Variants in SND1 observed in about 807,000 individuals in gnomAD.
The protein encoded by SND1 is staphylococcal nuclease domain-containing protein 1.
SND1 carries 38 observed loss-of-function variants against 121.7 expected under a neutral mutation model. The ratio of observed to expected loss-of-function variants is 0.31; its 90% CI spans 0.24 to 0.41. The LOEUF is 0.41. Ranked by LOEUF, SND1 falls within the 10% of genes least tolerant of loss-of-function variation. SND1 has a pLI of 1.00. For missense variants in SND1, 868 were observed against 1,184.6 expected, an observed-to-expected ratio of 0.73 and a Z score of 3.92; for synonymous variants, 401 against 447.4, an observed-to-expected ratio of 0.90 and a Z score of 1.31.
At chr7:128,089,958 C>T (rs577464933) in intron 22 of SND1, 11 of 450,940 alleles carry the variant, frequency 2.4e-5, no homozygotes, top group East Asian at 2.2e-4. Flanking sequence ...AGGTGACAGG[C>T]GAGAAAGCTT....
At chr7:128,051,445 A>G (rs532602589) in intron 16 of SND1, among the ~76,000 whole-genome samples, 1 of 150,182 alleles carries the variant, frequency 6.7e-6, no homozygotes, top group South Asian at 2.1e-4. Flanking sequence ...CTTGACAGCA[A>G]TTTACATGAA....
At chr7:127,934,153 A>G (rs1211602969) in intron 15 of SND1, among the ~76,000 whole-genome samples, 1 of 94,694 alleles carries the variant, frequency 1.1e-5, no homozygotes, top group Non-Finnish European at 2.5e-5. Context: ...GTTTTGAAGT[A>G]CATATGAGTT....
intron 12 of SND1, chr7:127,858,338 GC>G: frequency 8.4e-6 from 11 of 1,309,388 alleles, no homozygotes; most frequent in Non-Finnish European, 9.7e-6. Flanking sequence ...TCCTCCTCGG[GC>G]CCCCAGATGC....
chr7:127,690,434 G>A (rs993212318), intron 2 of SND1, among the ~76,000 whole-genome samples: 7 of 152,136 alleles, frequency 4.6e-5, no homozygotes, highest in Non-Finnish European at 8.8e-5. Flanking sequence ...TAGTTCCTTC[G>A]CCACCTCTGT....
chr7:128,011,034 A>C (rs1452727384), intron 16 of SND1, among the ~76,000 whole-genome samples: 3 of 152,180 alleles, frequency 2.0e-5, no homozygotes, highest in Non-Finnish European at 4.4e-5. Flanking sequence ...GAAATAAATA[A>C]GTAAAATTGA....
chr7:127,716,285 A>G (rs1163610971), intron 9 of SND1, among the ~76,000 whole-genome samples: 1 of 152,202 alleles, frequency 6.6e-6, no homozygotes, highest in African/African-American at 2.4e-5. Flanking sequence ...TTACATCTGT[A>G]AATCGCTTTT....
At chr7:127,863,168 G>T (rs547292603) in intron 12 of SND1, among the ~76,000 whole-genome samples, 2 of 152,024 alleles carry the variant, frequency 1.3e-5, no homozygotes, top group African/African-American at 4.8e-5. Context: ...TGCTTACTGT[G>T]CGCCAGGCAC....
intron 22 of SND1, 177 bp downstream of exon 22, chr7:128,089,869 C>A: frequency 3.2e-6 from 2 of 628,514 alleles, no homozygotes; most frequent in East Asian, 5.6e-5. Flanking sequence ...CTAATTACAT[C>A]CCAAATTAAT....
chr7:128,009,978 A>T (rs887812177), intron 16 of SND1, among the ~76,000 whole-genome samples: 2 of 152,198 alleles, frequency 1.3e-5, no homozygotes, highest in East Asian at 3.9e-4. Context: ...CAGAGAGAAA[A>T]GAAGGGAATG....
At chr7:127,955,795 A>G (rs1310935010) in intron 15 of SND1, among the ~76,000 whole-genome samples, 1 of 152,148 alleles carries the variant, frequency 6.6e-6, no homozygotes, top group Non-Finnish European at 1.5e-5. Context: ...AGACCATTCT[A>G]AGACACATAT....
At chr7:127,989,418 C>T (rs1488499538) in intron 15 of SND1, among the ~76,000 whole-genome samples, 1 of 152,154 alleles carries the variant, frequency 6.6e-6, no homozygotes, top group African/African-American at 2.4e-5. Flanking sequence ...AGCCTATTCC[C>T]TTTTTTCTGA....
At chr7:127,982,863 C>T (rs906881678) in intron 15 of SND1, among the ~76,000 whole-genome samples, 2 of 152,206 alleles carry the variant, frequency 1.3e-5, no homozygotes, top group African/African-American at 2.4e-5. Flanking sequence ...TGAGCTATTA[C>T]AGGTCTGAGA....
At chr7:127,954,175 A>G (rs1157195237) in intron 15 of SND1, among the ~76,000 whole-genome samples, 1 of 152,172 alleles carries the variant, frequency 6.6e-6, no homozygotes, top group African/African-American at 2.4e-5. Flanking sequence ...CCCTTACTCC[A>G]GCAAATATTT....
intron 7 of SND1, among the ~76,000 whole-genome samples, chr7:127,704,191 A>G (rs993454935): frequency 1.3e-5 from 2 of 152,070 alleles, no homozygotes; most frequent in African/African-American, 2.4e-5. Flanking sequence ...AATTGAATGG[A>G]TTTTCATTAT....
Position 127,798,621 on chromosome 7 carries a change from G to A in SND1, c.1153-8863G>A, listed in dbSNP as rs78321309. Among the ~76,000 whole-genome samples the A allele has an allele frequency of 1.3e-3, 203 of 151,892 alleles. 1 individual carries two copies. In the East Asian group the frequency reaches 0.038, roughly 28 times the overall value. The stretch of plus-strand genomic sequence containing the variant: ...ATTTTGGCATTAATCAAGTTCTCCA[G>A]TGTGGCTTTCTGCATTTAATAAAAC... On this transcript the variant is annotated intron_variant, in intron 10 of 23. Coordinates refer to ENST00000354725, the MANE Select transcript of SND1 (RefSeq NM_014390.4).
chr7:128,075,093 C>T (rs1484846753), intron 17 of SND1, among the ~76,000 whole-genome samples: 1 of 152,262 alleles, frequency 6.6e-6, no homozygotes, highest in Non-Finnish European at 1.5e-5. Context: ...TCTGAATTTC[C>T]TTCACATTGC....
intron 10 of SND1, among the ~76,000 whole-genome samples, chr7:127,775,415 A>C (rs982778081): frequency 1.4e-4 from 21 of 152,146 alleles, no homozygotes; most frequent in Admixed American, 2.6e-4. Flanking sequence ...TAATAAAAAA[A>C]ACACACAGAG....
intron 10 of SND1, among the ~76,000 whole-genome samples, chr7:127,751,350 G>A (rs542045451): frequency 6.6e-6 from 1 of 152,274 alleles, no homozygotes; most frequent in East Asian, 1.9e-4. Context: ...CCATGAATTA[G>A]GACAGTGTAG....
intron 11 of SND1, among the ~76,000 whole-genome samples, chr7:127,826,775 C>T (rs538122207): frequency 1.3e-5 from 2 of 152,110 alleles, no homozygotes; most frequent in South Asian, 2.1e-4. Context: ...AAATTTTTGA[C>T]GTGCTTTTAT....
Sources: allele counts gnomAD v4.1 joint callset (sites outside exome capture counted in the v4.1 genomes callset), GRCh38; gene constraint gnomAD v4.1.1; transcripts MANE v1.5; gene names NCBI Gene and HGNC (gene_info 2026-07-23, HGNC 2026-07-21).